The following NKAIN2 variants were observed in gnomAD, a reference collection of about 807,000 sequenced individuals.
NKAIN2 encodes sodium/potassium transporting ATPase interacting 2.
NKAIN2 carries 14 observed loss-of-function variants against 32.6 expected under a neutral mutation model. The observed-to-expected ratio is 0.43, with a 90% confidence interval of 0.28 to 0.67. The LOEUF (loss-of-function observed/expected upper bound fraction) is 0.67, where lower values mean the gene tolerates loss of function less well. NKAIN2 is among the 30% of genes least tolerant of loss of function. NKAIN2 has a pLI of 0.17. For synonymous variants in NKAIN2, 80 were observed against 87.2 expected, an observed-to-expected ratio of 0.92 and a Z score of 0.46; for missense variants, 198 against 258.3, an observed-to-expected ratio of 0.77 and a Z score of 1.60.
At chr6:124,460,932 G>A (rs1583286739) in intron 3 of NKAIN2, among the ~76,000 whole-genome samples, 1 of 151,322 alleles carries the variant, frequency 6.6e-6, no homozygotes, top group South Asian at 2.1e-4. Context: ...TGCATTCTGG[G>A]TGGTTATCTT....
intron 1 of NKAIN2, among the ~76,000 whole-genome samples, chr6:124,135,122 G>A (rs1786674486): frequency 6.6e-6 from 1 of 151,940 alleles, no homozygotes; most frequent in Non-Finnish European, 1.5e-5. Context: ...AATGCCAAAG[G>A]GAGTTCTAAA....
chr6:124,760,265 G>A (rs577583719), intron 4 of NKAIN2, among the ~76,000 whole-genome samples: 237 of 151,988 alleles, frequency 1.6e-3, no homozygotes, highest in African/African-American at 5.5e-3. Context: ...AGGAGGATGG[G>A]AGGAGGGAGA....
At chr6:124,501,623 T>A (rs989390422) in intron 3 of NKAIN2, among the ~76,000 whole-genome samples, 2 of 152,146 alleles carry the variant, frequency 1.3e-5, no homozygotes, top group Non-Finnish European at 2.9e-5. Context: ...AAGATGCAAA[T>A]CAGATGACTC....
At chr6:124,151,410 T>C (rs1458867383) in intron 1 of NKAIN2, among the ~76,000 whole-genome samples, 1 of 152,060 alleles carries the variant, frequency 6.6e-6, no homozygotes, top group Non-Finnish European at 1.5e-5. Context: ...CTCCCTTCCA[T>C]GTATATGGAC....
At chr6:123,949,915 A>T (rs1026637453) in intron 1 of NKAIN2, among the ~76,000 whole-genome samples, 2 of 151,830 alleles carry the variant, frequency 1.3e-5, no homozygotes, top group African/African-American at 2.4e-5. Context: ...TCCACATTCA[A>T]TATGTTAGCT....
intron 1 of NKAIN2, among the ~76,000 whole-genome samples, chr6:124,049,751 TGCCCATTAGCCACATAGTC>T (rs1445557323): frequency 6.6e-6 from 1 of 152,036 alleles, no homozygotes; most frequent in Non-Finnish European, 1.5e-5. Flanking sequence ...ACTCACTACC[TGCCCATTAGCCACATAGTC>T]GCTGCTCAAG....
Position 124,478,670 on chromosome 6 carries a change from A to T in NKAIN2, c.273+123323A>T, listed in dbSNP as rs35607153. On this transcript the variant is annotated intron_variant, in intron 3 of 6. Transcript: ENST00000368417. Reference sequence around the variant, plus strand: ...GTATAAAGTAAATATCTCTAAGTCTATTCTGATATAAGTAAATGATTGAAT... The same window carrying T: ...GTATAAAGTAAATATCTCTAAGTCTTTTCTGATATAAGTAAATGATTGAAT... Among the ~76,000 whole-genome samples, 714 of 152,338 alleles carry T rather than the reference A, an allele frequency of 4.7e-3. 3 individuals are homozygous for T. The highest frequency in any genetic ancestry group is 7.3e-3 in the Non-Finnish European group (499 of 68,022).
chr6:123,898,622 A>C lies in NKAIN2; in HGVS notation c.54+94368A>C, dbSNP rs185050756. Among the ~76,000 whole-genome samples the C allele has an allele frequency of 2.7e-4, 41 of 151,734 alleles. 1 individual carries two copies. The East Asian group carries it at 7.4e-3, about 27-fold the overall frequency. The stretch of plus-strand genomic sequence containing the variant: ...TCCACAAGATATAATTAGAAACCTG[A>C]ATGGCTCACTTAAATTAATGAGTAC... On this transcript the variant is annotated intron_variant, in intron 1 of 6. Transcript: ENST00000368417.
At chr6:123,807,828 GC>G (rs1367027375) in intron 1 of NKAIN2, among the ~76,000 whole-genome samples, 2 of 152,096 alleles carry the variant, frequency 1.3e-5, no homozygotes, top group Non-Finnish European at 2.9e-5. Context: ...CTTGAAAAAT[GC>G]CACTATTGCC....
chr6:124,015,525 T>C (rs1780526360), intron 1 of NKAIN2, among the ~76,000 whole-genome samples: 1 of 152,196 alleles, frequency 6.6e-6, no homozygotes, highest in South Asian at 2.1e-4. Context: ...TTGAAAGTAT[T>C]TTATTGGATC....
At chr6:124,630,068 G>T (rs1213081656) in intron 3 of NKAIN2, among the ~76,000 whole-genome samples, 1 of 152,140 alleles carries the variant, frequency 6.6e-6, no homozygotes, top group Non-Finnish European at 1.5e-5. Context: ...TACTGCAATT[G>T]CATGGGAAGT....
At chr6:124,274,989 A>T (rs954907973) in intron 1 of NKAIN2, among the ~76,000 whole-genome samples, 1 of 152,100 alleles carries the variant, frequency 6.6e-6, no homozygotes, top group Non-Finnish European at 1.5e-5. Flanking sequence ...TAAACAAAAA[A>T]CAAACAATAT....
chr6:124,576,951 G>A (rs534879361), intron 3 of NKAIN2, among the ~76,000 whole-genome samples: 3 of 152,262 alleles, frequency 2.0e-5, no homozygotes, highest in African/African-American at 2.4e-5. Context: ...AGCACAATCC[G>A]TTTGTTAAAA....
intron 1 of NKAIN2, among the ~76,000 whole-genome samples, chr6:124,108,324 G>A (rs1324196555): frequency 4.6e-5 from 7 of 152,034 alleles, no homozygotes; most frequent in Admixed American, 2.0e-4. Context: ...CGTCTCTGAA[G>A]AAACATCTAT....
chr6:124,288,813 A>ATTT, intron 2 of NKAIN2, among the ~76,000 whole-genome samples: 1 of 152,192 alleles, frequency 6.6e-6, no homozygotes, highest in Non-Finnish European at 1.5e-5. Context: ...AAATACTCAA[A>ATTT]ACATATTGGA....
chr6:124,664,054 C>A (rs1302903496), intron 4 of NKAIN2, among the ~76,000 whole-genome samples: 1 of 151,962 alleles, frequency 6.6e-6, no homozygotes, highest in Non-Finnish European at 1.5e-5. Context: ...GAGGGTGGAT[C>A]ACTTGAGGTC....
At chr6:124,078,174 A>G (rs1783784352) in intron 1 of NKAIN2, among the ~76,000 whole-genome samples, 1 of 152,188 alleles carries the variant, frequency 6.6e-6, no homozygotes, top group Non-Finnish European at 1.5e-5. Flanking sequence ...GTGAATTAAT[A>G]AAATTTTTCT....
At chr6:124,576,720 G>T (rs909761718) in intron 3 of NKAIN2, among the ~76,000 whole-genome samples, 1 of 152,110 alleles carries the variant, frequency 6.6e-6, no homozygotes, top group Non-Finnish European at 1.5e-5. Flanking sequence ...CACTGATAGG[G>T]TTGTAAATAT....
At chr6:124,767,002 C>T in intron 4 of NKAIN2, among the ~76,000 whole-genome samples, 1 of 152,104 alleles carries the variant, frequency 6.6e-6, no homozygotes, top group African/African-American at 2.4e-5. Flanking sequence ...TCAAGCAATT[C>T]TCCTGCCTCA....
Sources: allele counts gnomAD v4.1 joint callset (sites outside exome capture counted in the v4.1 genomes callset), GRCh38; gene constraint gnomAD v4.1.1; transcripts MANE v1.5; gene names NCBI Gene and HGNC (gene_info 2026-07-23, HGNC 2026-07-21).